The following SNTG1 variants were observed in gnomAD, a reference collection of about 807,000 sequenced individuals.
The protein encoded by SNTG1 is syntrophin gamma 1.
SNTG1 carries 39 observed loss-of-function variants against 74.7 expected under a neutral mutation model. The observed-to-expected ratio is 0.52, with a 90% CI of 0.40 to 0.68. SNTG1 has a LOEUF of 0.68. SNTG1 is among the 30% of genes least tolerant of loss of function. The probability of loss-of-function intolerance (pLI) is 0.00; values close to 1 mark genes in which losing one functional copy is unlikely to be tolerated. For missense variants in SNTG1, 685 were observed against 609.5 expected, an observed-to-expected ratio of 1.12 and a Z score of -1.30; for synonymous variants, 254 against 217.1, an observed-to-expected ratio of 1.17 and a Z score of -1.49.
intron 1 of SNTG1, among the ~76,000 whole-genome samples, chr8:49,939,455 C>G (rs903336200): frequency 3.3e-5 from 5 of 152,184 alleles, no homozygotes; most frequent in African/African-American, 1.2e-4. Flanking sequence ...ATGTACTACA[C>G]TTTGTTTGTT....
chr8:50,520,728 T>C (rs1351466166), intron 9 of SNTG1, among the ~76,000 whole-genome samples: 2 of 152,124 alleles, frequency 1.3e-5, no homozygotes, highest in African/African-American at 4.8e-5. Flanking sequence ...CGAGATACCA[T>C]CTCACGCCAG....
At chr8:50,416,488 A>C (rs2093015424) in intron 4 of SNTG1, among the ~76,000 whole-genome samples, 1 of 152,146 alleles carries the variant, frequency 6.6e-6, no homozygotes. Context: ...TGTATTAAAC[A>C]ATAGTGGTGA....
intron 1 of SNTG1, among the ~76,000 whole-genome samples, chr8:50,104,480 C>A (rs1274095938): frequency 6.6e-6 from 1 of 152,072 alleles, no homozygotes; most frequent in Admixed American, 6.6e-5. Flanking sequence ...TGCTAGCGGT[C>A]TATCAATTTT....
intron 2 of SNTG1, among the ~76,000 whole-genome samples, chr8:50,184,049 C>T (rs575369739): frequency 6.5e-4 from 95 of 146,914 alleles, no homozygotes; most frequent in Middle Eastern, 3.8e-3. Flanking sequence ...TTTTTCCACC[C>T]GCTTAAGGAC....
At chr8:50,241,909 G>T (rs2086181137) in intron 2 of SNTG1, among the ~76,000 whole-genome samples, 2 of 151,954 alleles carry the variant, frequency 1.3e-5, no homozygotes, top group Non-Finnish European at 2.9e-5. Flanking sequence ...CAGGTCATCT[G>T]CCCATGGTCT....
chr8:50,455,197 G>A (rs12114387), intron 8 of SNTG1, among the ~76,000 whole-genome samples: 1,987 of 152,184 alleles, frequency 0.013, 47 homozygotes, highest in African/African-American at 0.045. Flanking sequence ...TAATCTATTC[G>A]TATAACTGAA....
At chr8:50,647,190 A>G (rs2095114717) in intron 13 of SNTG1, among the ~76,000 whole-genome samples, 1 of 152,190 alleles carries the variant, frequency 6.6e-6, no homozygotes. Context: ...ACCATAATCC[A>G]TGAAAGAAAT....
intron 2 of SNTG1, among the ~76,000 whole-genome samples, chr8:50,216,785 C>T (rs1468980908): frequency 6.6e-6 from 1 of 151,940 alleles, no homozygotes; most frequent in African/African-American, 2.4e-5. Context: ...AATTTTATGT[C>T]AACAATTGCC....
At chr8:49,939,359 G>C (rs556639991) in intron 1 of SNTG1, among the ~76,000 whole-genome samples, 1 of 152,118 alleles carries the variant, frequency 6.6e-6, no homozygotes, top group African/African-American at 2.4e-5. Flanking sequence ...TTTATAGTCA[G>C]TTGCCAATAA....
chr8:50,017,920 A>G (rs760679608), intron 1 of SNTG1, among the ~76,000 whole-genome samples: 2 of 152,034 alleles, frequency 1.3e-5, no homozygotes, highest in African/African-American at 2.4e-5. Flanking sequence ...GGTCTAGCAG[A>G]TATCTAAATA....
At chr8:50,154,173 C>A (rs1294797650) in intron 1 of SNTG1, among the ~76,000 whole-genome samples, 1 of 152,088 alleles carries the variant, frequency 6.6e-6, no homozygotes, top group Non-Finnish European at 1.5e-5. Flanking sequence ...CCAGTAGGGG[C>A]AGACTGACAC....
chr8:50,137,548 T>C (rs985551128), intron 1 of SNTG1, among the ~76,000 whole-genome samples: 4 of 152,138 alleles, frequency 2.6e-5, no homozygotes, highest in Non-Finnish European at 5.9e-5. Context: ...CGTACGTAGA[T>C]AGTATGTTAG....
At chr8:50,781,421 G>C (rs2095659042) in intron 18 of SNTG1, among the ~76,000 whole-genome samples, 1 of 152,138 alleles carries the variant, frequency 6.6e-6, no homozygotes, top group African/African-American at 2.4e-5. Flanking sequence ...AGGAGAGTTA[G>C]CTCTTCTTGT....
At chr8:50,179,254 C>T (rs2131701978) in intron 2 of SNTG1, among the ~76,000 whole-genome samples, 1 of 152,272 alleles carries the variant, frequency 6.6e-6, no homozygotes, top group Non-Finnish European at 1.5e-5. Flanking sequence ...ACCCCAAACT[C>T]TGTTTTCAGC....
intron 1 of SNTG1, among the ~76,000 whole-genome samples, chr8:50,169,508 C>G (rs2082735904): frequency 6.6e-6 from 1 of 152,104 alleles, no homozygotes; most frequent in Non-Finnish European, 1.5e-5. Context: ...AGAAGACAGC[C>G]CACTCTTAGG....
At chr8:50,043,118 T>G (rs1818784878) in intron 1 of SNTG1, among the ~76,000 whole-genome samples, 1 of 152,216 alleles carries the variant, frequency 6.6e-6, no homozygotes, top group Non-Finnish European at 1.5e-5. Flanking sequence ...ATAACACAAT[T>G]TTATGCACTT....
chr8:50,461,497 A>T (rs1296385401), intron 8 of SNTG1, among the ~76,000 whole-genome samples: 1 of 152,166 alleles, frequency 6.6e-6, no homozygotes, highest in Non-Finnish European at 1.5e-5. Context: ...AATTCTGTTA[A>T]CATAGATTTA....
intron 1 of SNTG1, among the ~76,000 whole-genome samples, chr8:49,925,160 GTAAA>G (rs923879268): frequency 1.1e-4 from 16 of 151,972 alleles, no homozygotes; most frequent in African/African-American, 3.9e-4. Context: ...CTCTAAAAAA[GTAAA>G]TAAATAAAAT....
intron 1 of SNTG1, among the ~76,000 whole-genome samples, chr8:49,934,287 CTATCT>C (rs1807852819): frequency 2.3e-5 from 1 of 43,928 alleles, no homozygotes; most frequent in African/African-American, 8.9e-5. Flanking sequence ...ATAGATCTAT[CTATCT>C]ATCTATCTAT....
Sources: gnomAD v4.1 joint callset for allele counts (sites outside exome capture counted in the v4.1 genomes callset) on GRCh38, gnomAD v4.1.1 for gene constraint, MANE v1.5 for transcripts, NCBI Gene and HGNC (gene_info 2026-07-23, HGNC 2026-07-21) for gene names.